Variants in DPP10 observed in about 807,000 individuals in gnomAD.
DPP10 encodes the protein inactive dipeptidyl peptidase 10.
In DPP10, 33 loss-of-function variants were observed where a neutral mutation model predicts 120.9. The observed-to-expected ratio is 0.27, with a 90% CI of 0.21 to 0.37. DPP10 has a LOEUF of 0.37. Ranked by LOEUF, DPP10 falls within the 10% of genes least tolerant of loss-of-function variation. DPP10 has a pLI of 1.00. For missense variants in DPP10, 816 were observed against 942.8 expected (o/e 0.87, Z 1.76); for synonymous variants, 337 against 326.1 (o/e 1.03, Z -0.36).
chr2:115,700,299 T>C (rs546928200), intron 7 of DPP10, among the ~76,000 whole-genome samples: 1 of 152,186 alleles, frequency 6.6e-6, no homozygotes, highest in East Asian at 1.9e-4. Context: ...ATGTCAGTAG[T>C]ATACTACATT....
chr2:114,942,314 T>C (rs1414324357), intron 1 of DPP10, among the ~76,000 whole-genome samples: 2 of 125,658 alleles, frequency 1.6e-5, no homozygotes, highest in East Asian at 5.1e-4. Flanking sequence ...TATATATATA[T>C]ATATATACAC....
At chr2:115,616,353 T>C (rs1340361078) in intron 5 of DPP10, among the ~76,000 whole-genome samples, 1 of 152,062 alleles carries the variant, frequency 6.6e-6, no homozygotes, top group African/African-American at 2.4e-5. Flanking sequence ...TTGAGGTAAC[T>C]GGGTCACAGA....
At chr2:115,747,086 GGTAATAAAGGTTTA>G in intron 10 of DPP10, among the ~76,000 whole-genome samples, 1 of 152,112 alleles carries the variant, frequency 6.6e-6, no homozygotes, top group East Asian at 1.9e-4. Context: ...TACTTGAAAA[GGTAATAAAGGTTTA>G]TGGAATGCTT....
chr2:114,660,815 G>A (rs1423872054), intron 1 of DPP10, among the ~76,000 whole-genome samples: 2 of 152,092 alleles, frequency 1.3e-5, no homozygotes, highest in African/African-American at 2.4e-5. Flanking sequence ...ATTAGTTCTT[G>A]TTGAATTATG....
intron 1 of DPP10, among the ~76,000 whole-genome samples, chr2:115,231,967 C>T (rs968091829): frequency 6.6e-6 from 1 of 152,186 alleles, no homozygotes; most frequent in African/African-American, 2.4e-5. Flanking sequence ...TTTATGCCCC[C>T]TAAAGAAATC....
At chr2:115,842,109 A>G (rs1690210141) in intron 25 of DPP10, 102 bp from the exon 26 acceptor site, 7 of 1,242,478 alleles carry the variant, frequency 5.6e-6, no homozygotes, top group Non-Finnish European at 7.5e-6. Flanking sequence ...TTGGTCAGAT[A>G]TTATTACTCA....
In DPP10 at chr2:115,470,955, G is replaced by A. The variant is rs188915131; in HGVS notation, c.272-28555G>A. On this transcript the variant is annotated intron_variant, in intron 3 of 25. Coordinates refer to ENST00000410059, the MANE Select transcript of DPP10 (RefSeq NM_020868.6). Reference sequence around the variant, plus strand: ...TTGGACAAAGAGAACCTTTCCAGAAGAGCTTTCAACTTTTTCTCTTTTGCC... The same window carrying A: ...TTGGACAAAGAGAACCTTTCCAGAAAAGCTTTCAACTTTTTCTCTTTTGCC... 1.9e-3 allele frequency among the ~76,000 whole-genome samples: 292 copies of A among 152,254 alleles called. 1 individual carries two copies. Among genetic ancestry groups the A allele is most frequent in the Non-Finnish European group, 3.7e-3 (254 of 68,016 alleles).
chr2:115,086,322 A>C (rs1708691112), intron 1 of DPP10, among the ~76,000 whole-genome samples: 1 of 152,148 alleles, frequency 6.6e-6, no homozygotes, highest in Non-Finnish European at 1.5e-5. Flanking sequence ...TATCCATCTC[A>C]GGTCTTTAGA....
At chr2:115,101,826 G>A (rs56958450) in intron 1 of DPP10, among the ~76,000 whole-genome samples, 31,316 of 152,010 alleles carry the variant, frequency 0.21, 3,972 homozygotes, top group East Asian at 0.36. Context: ...GGCCTCTAAC[G>A]CACTTGCAAC....
At chr2:115,620,274 G>C (rs930218014) in intron 5 of DPP10, among the ~76,000 whole-genome samples, 1 of 152,206 alleles carries the variant, frequency 6.6e-6, no homozygotes, top group African/African-American at 2.4e-5. Context: ...ATGCTCAAAA[G>C]AATGATCTGT....
intron 1 of DPP10, among the ~76,000 whole-genome samples, chr2:115,193,505 G>A (rs1385929451): frequency 6.6e-6 from 1 of 152,102 alleles, no homozygotes; most frequent in Admixed American, 6.5e-5. Context: ...TGATGTCCAG[G>A]GCCATGGACA....
At chr2:115,074,224 G>T (rs185038770) in intron 1 of DPP10, among the ~76,000 whole-genome samples, 8 of 152,104 alleles carry the variant, frequency 5.3e-5, no homozygotes, top group Non-Finnish European at 7.4e-5. Context: ...GCCCAGGCTG[G>T]TCTCAAACTC....
intron 1 of DPP10, among the ~76,000 whole-genome samples, chr2:115,212,794 G>T (rs1020179709): frequency 2.6e-5 from 4 of 152,040 alleles, no homozygotes; most frequent in African/African-American, 7.2e-5. Context: ...GGGCATATTT[G>T]TTCATAAATT....
rs143025973 is a variant in DPP10 at position 115,334,650 on chromosome 2, C to T, written c.176-9167C>T. On this transcript the variant is annotated intron_variant, in intron 2 of 25. Coordinates refer to ENST00000410059, the MANE Select transcript of DPP10 (RefSeq NM_020868.6). ...TTCTAAAAGTAAATCTGAGAATACA[C>T]GTAGAAACATTTCGGTTGAAGAGAA... 1.7e-3 allele frequency among the ~76,000 whole-genome samples: 251 copies of T among 151,804 alleles called. 1 individual carries two copies. The highest frequency in any genetic ancestry group is 6.3e-3 in the Admixed American group (95 of 15,186).
chr2:115,655,994 C>T (rs1024890379), intron 5 of DPP10, among the ~76,000 whole-genome samples: 22 of 151,450 alleles, frequency 1.5e-4, no homozygotes, highest in Admixed American at 6.6e-5. Context: ...AATTATTTTT[C>T]AATGGGTATA....
intron 1 of DPP10, among the ~76,000 whole-genome samples, chr2:114,727,896 T>A (rs1318802494): frequency 6.6e-6 from 1 of 152,186 alleles, no homozygotes; most frequent in East Asian, 1.9e-4. Flanking sequence ...GGTCAGCACA[T>A]CACTTAAAAA....
In DPP10 at chr2:114,766,278, T is replaced by TA. The variant is rs1339390000; in HGVS notation, c.60+323445dup. ...CCATTTCATCAGCTAAAATAAAAAATAAAAATAATACCAAACGTTTTGCAA... is the reference window on the plus strand; with the variant it reads ...CCATTTCATCAGCTAAAATAAAAAATAAAAAATAATACCAAACGTTTTGCAA... On this transcript the variant is annotated intron_variant, in intron 1 of 25. Coordinates refer to ENST00000410059, the MANE Select transcript of DPP10 (RefSeq NM_020868.6). Among the ~76,000 whole-genome samples, 4 of 152,004 alleles carry TA rather than the reference T, an allele frequency of 2.6e-5. No individual in the cohort carries two copies. The East Asian group carries it at 7.7e-4, about 29-fold the overall frequency.
chr2:115,037,178 T>A (rs1051504090), intron 1 of DPP10, among the ~76,000 whole-genome samples: 1 of 152,116 alleles, frequency 6.6e-6, no homozygotes, highest in Non-Finnish European at 1.5e-5. Context: ...TGTCTTAATA[T>A]TAATAGTTAC....
intron 1 of DPP10, among the ~76,000 whole-genome samples, chr2:114,663,658 T>TAGAGAGAGAGAGAGAGAGAGAG (rs1385374204): frequency 3.3e-5 from 3 of 91,216 alleles, no homozygotes; most frequent in African/African-American, 2.4e-4. Context: ...TATATATATA[T>TAGAGAGAGAGAGAGAGAGAGAG]ATATATATAT....
Sources: allele counts gnomAD v4.1 joint callset (sites outside exome capture counted in the v4.1 genomes callset), GRCh38; gene constraint gnomAD v4.1.1; transcripts MANE v1.5; gene names NCBI Gene and HGNC (gene_info 2026-07-23, HGNC 2026-07-21).